TMEM236: variants seen among roughly 807,000 people sequenced by gnomAD.
TMEM236 encodes family with sequence similarity 23, member A.
TMEM236 carries 11 observed loss-of-function variants against 14.7 expected under a neutral mutation model. That is an observed-to-expected ratio of 0.75 (90% confidence interval 0.47 to 1.24). The LOEUF is 1.24. Ranked by LOEUF, TMEM236 falls within the 50% of genes most tolerant of loss-of-function variation. TMEM236 has a pLI of 0.00. For missense variants in TMEM236, 464 were observed against 427.3 expected (o/e 1.09, Z -0.76); for synonymous variants, 182 against 168.6 (o/e 1.08, Z -0.62).
intron 1 of TMEM236, among the ~76,000 whole-genome samples, chr10:17,768,745 G>A (rs2131747133): frequency 6.6e-6 from 1 of 152,008 alleles, no homozygotes; most frequent in South Asian, 2.1e-4. Context: ...GTGTGTGTGT[G>A]TGTGTGTGTG....
intron 1 of TMEM236, among the ~76,000 whole-genome samples, chr10:17,767,125 TC>T (rs1170088863): frequency 1.3e-5 from 2 of 152,262 alleles, no homozygotes; most frequent in African/African-American, 4.8e-5. Context: ...TTTCAACATA[TC>T]TTTTTGGGGA....
chr10:17,764,314 C>A (rs1031907359), intron 1 of TMEM236, among the ~76,000 whole-genome samples: 2 of 152,118 alleles, frequency 1.3e-5, no homozygotes, highest in Admixed American at 1.3e-4. Flanking sequence ...GAGGGTCCCT[C>A]TCATTGCCAG....
chr10:17,786,422 G>A (rs901222699), intron 3 of TMEM236, among the ~76,000 whole-genome samples: 13 of 152,164 alleles, frequency 8.5e-5, no homozygotes, highest in Non-Finnish European at 1.5e-4. Context: ...GCAGTGCCAC[G>A]ATCACAGTGC....
intron 3 of TMEM236, among the ~76,000 whole-genome samples, chr10:17,781,332 C>T (rs1293848883): frequency 6.6e-6 from 1 of 152,222 alleles, no homozygotes; most frequent in Admixed American, 6.5e-5. Flanking sequence ...TTGGATTTCA[C>T]ACCTTGAATC....
intron 3 of TMEM236, among the ~76,000 whole-genome samples, chr10:17,777,214 C>T (rs1267185032): frequency 6.6e-6 from 1 of 152,124 alleles, no homozygotes; most frequent in Non-Finnish European, 1.5e-5. Flanking sequence ...GTTGGAGAAT[C>T]TGAGCCTGTC....
chr10:17,788,828 A>G (rs995604061), intron 3 of TMEM236, among the ~76,000 whole-genome samples: 1 of 152,202 alleles, frequency 6.6e-6, no homozygotes, highest in Non-Finnish European at 1.5e-5. Context: ...CAACTATTTC[A>G]CAGCTGGGAA....
At position 17,800,740 on chromosome 10, in the gene TMEM236, A is replaced by C. The variant is rs1180257226; in HGVS notation, c.*4236A>C. The C allele has an allele frequency of 6.6e-6, 1 of 152,252 alleles. No individual in the cohort carries two copies. The highest frequency in any genetic ancestry group is 1.5e-5 in the Non-Finnish European group (1 of 68,040). 9.4% of individuals were successfully genotyped at this position (152,252 alleles called of 1,614,324 possible). A position where few individuals can be genotyped will look rare whatever the true frequency, so the allele number is the denominator to read the frequency against. ...ATACCACTTAGAAGCTACAAAACTT[A>C]AAAATGGCTACTTATACTCCATAGA... On this transcript the variant is annotated 3_prime_UTR_variant, in exon 4 of 4. Transcript: ENST00000377495.
Position 17,796,188 on chromosome 10 carries a change from A to G in TMEM236, c.740A>G (p.Asp247Gly), listed in dbSNP as rs1014155769. 1.9e-5 allele frequency: 30 copies of G among 1,613,832 alleles called. No individual in the cohort carries two copies. Among genetic ancestry groups the G allele is most frequent in the Non-Finnish European group, 2.5e-5 (30 of 1,179,860 alleles). The change falls in exon 4 of 4, where the codon GAC becomes GGC. Residue 247 changes from aspartate to glycine, a missense_variant. Asp to Gly is a moderately conservative substitution (Grantham distance 94). Coordinates refer to ENST00000377495, the MANE Select transcript of TMEM236 (RefSeq NM_001098844.3). ...TTATGGAGCTTTCTCCTGTGGTCTGACACGATAGAAATGGTGCGTGTGGCT... is the reference window on the plus strand; with the variant it reads ...TTATGGAGCTTTCTCCTGTGGTCTGGCACGATAGAAATGGTGCGTGTGGCT... ...LFLWSFLLWS[D>G]TIEMVRVAGH... is the part of the protein sequence containing the mutation.
At position 17,796,283 on chromosome 10, in the gene TMEM236, C is replaced by G; in HGVS notation, c.835C>G (p.Arg279Gly). 2 of 1,613,942 alleles carry G rather than the reference C, an allele frequency of 1.2e-6. No homozygotes were observed. The highest frequency in any genetic ancestry group is 1.7e-6 in the Non-Finnish European group (2 of 1,179,864). The change falls in exon 4 of 4, where the codon CGA becomes GGA. Residue 279 changes from arginine (R) to glycine (G), a missense_variant. Coordinates refer to ENST00000377495, the MANE Select transcript of TMEM236 (RefSeq NM_001098844.3). ...VYIFSFISLL[R>G]ITFTPQNPLL... ...CATATTCAGTTTTATTTCTCTCCTT[C>G]GAATTACATTCACTCCCCAAAACCC...
At chr10:17,760,714 G>C (rs1383343798) in intron 1 of TMEM236, among the ~76,000 whole-genome samples, 1 of 152,166 alleles carries the variant, frequency 6.6e-6, no homozygotes, top group African/African-American at 2.4e-5. Flanking sequence ...AAGGAAAGAG[G>C]TTTGATGGAC....
chr10:17,776,244 GACA>G (rs1170440918), intron 3 of TMEM236, 74 bp downstream of exon 3: 3 of 1,392,996 alleles, frequency 2.2e-6, no homozygotes, highest in Non-Finnish European at 2.0e-6. Context: ...TGTGTTATCT[GACA>G]ACATGTTTAA....
chr10:17,758,327 C>G (rs1222962855), intron 1 of TMEM236, among the ~76,000 whole-genome samples: 1 of 152,118 alleles, frequency 6.6e-6, no homozygotes, highest in East Asian at 1.9e-4. Flanking sequence ...TGAGAGCTTC[C>G]CTGAAGGTCC....
Position 17,795,922 on chromosome 10 carries a change from T to C in TMEM236, c.474T>C (p.Ser158=). ...RIYPLRGSQK[S]SENGHIHSTS... is the part of the protein sequence containing the mutation. Reference sequence around the variant, plus strand: ...TGTAAATAAATCTGTTAATTGCAGGTAGTGAAAATGGACACATCCATTCAA... The same window carrying C: ...TGTAAATAAATCTGTTAATTGCAGGCAGTGAAAATGGACACATCCATTCAA... The change falls in exon 4 of 4, where the codon AGT becomes AGC. Residue 158 remains serine (S), a splice_region_variant and synonymous_variant. Coordinates refer to ENST00000377495, the MANE Select transcript of TMEM236 (RefSeq NM_001098844.3). 6.2e-7 allele frequency: 1 copy of C among 1,613,796 alleles called. No homozygotes were observed. Among genetic ancestry groups the C allele is most frequent in the Non-Finnish European group, 8.5e-7 (1 of 1,179,740 alleles).
chr10:17,775,268 G>A (rs1837641357), intron 2 of TMEM236, among the ~76,000 whole-genome samples: 4 of 151,878 alleles, frequency 2.6e-5, no homozygotes, highest in Admixed American at 2.6e-4. Context: ...TGTTATTGTG[G>A]TTTGTTTTTG....
chr10:17,789,277 C>T (rs1302710672), intron 3 of TMEM236, among the ~76,000 whole-genome samples: 1 of 152,162 alleles, frequency 6.6e-6, no homozygotes, highest in Non-Finnish European at 1.5e-5. Context: ...CTTGTGACCT[C>T]CCCTGATATA....
At chr10:17,765,945 T>G (rs1837455613) in intron 1 of TMEM236, among the ~76,000 whole-genome samples, 2 of 152,228 alleles carry the variant, frequency 1.3e-5, no homozygotes, top group South Asian at 4.1e-4. Context: ...CCTGGAGTCC[T>G]AGAAGTCCAA....
intron 3 of TMEM236, among the ~76,000 whole-genome samples, chr10:17,784,661 G>A (rs1589150591): frequency 6.6e-6 from 1 of 152,176 alleles, no homozygotes; most frequent in East Asian, 1.9e-4. Context: ...TAAAATTAGT[G>A]ATTCCCAGGT....
At chr10:17,768,139 G>T (rs1034788765) in intron 1 of TMEM236, among the ~76,000 whole-genome samples, 12,498 of 137,396 alleles carry the variant, frequency 0.091, 696 homozygotes, top group Non-Finnish European at 0.12. Context: ...TGTTGCCCAG[G>T]TTGGTCTCAA....
intron 3 of TMEM236, among the ~76,000 whole-genome samples, chr10:17,793,204 ATAGCAGCTGCTCT>A (rs1216585930): frequency 1.3e-5 from 2 of 152,248 alleles, no homozygotes; most frequent in African/African-American, 2.4e-5. Flanking sequence ...TTCATTGTTC[ATAGCAGCTGCTCT>A]TAGCATCTGA....
Sources: allele counts gnomAD v4.1 joint callset (sites outside exome capture counted in the v4.1 genomes callset), GRCh38; gene constraint gnomAD v4.1.1; transcripts MANE v1.5; gene names NCBI Gene and HGNC (gene_info 2026-07-23, HGNC 2026-07-21).